The following VSTM2A variants were observed in gnomAD, a reference collection of about 807,000 sequenced individuals.
The protein encoded by VSTM2A is V-set and transmembrane domain containing 2A, also known as V-set and transmembrane domain-containing protein 2A.
A neutral mutation model predicts 27.3 loss-of-function variants in VSTM2A; 13 were observed. That is an observed-to-expected ratio of 0.48 (90% CI 0.31 to 0.76). The LOEUF (loss-of-function observed/expected upper bound fraction) is 0.76. Among genes scored for constraint, VSTM2A ranks in the 30% least tolerant of loss-of-function variants. The probability of loss-of-function intolerance (pLI) is 0.05; values close to 1 mark genes in which losing one functional copy is unlikely to be tolerated. For synonymous variants in VSTM2A, 142 were observed against 125.7 expected, an observed-to-expected ratio of 1.13 and a Z score of -0.87; for missense variants, 280 against 310.0, an observed-to-expected ratio of 0.90 and a Z score of 0.73.
At chr7:54,552,629 C>T (rs1788230444) in intron 4 of VSTM2A, 1 of 152,220 alleles carries the variant, frequency 6.6e-6, no homozygotes, top group Non-Finnish European at 1.5e-5. Context: ...CACACTTCTT[C>T]TCCTCAAGGA....
intron 4 of VSTM2A, among the ~76,000 whole-genome samples, chr7:54,561,314 CA>C (rs1788554894): frequency 1.3e-5 from 2 of 151,992 alleles, no homozygotes; most frequent in Non-Finnish European, 2.9e-5. Flanking sequence ...ATGTATAGTG[CA>C]AAACACTTCT....
chr7:54,553,927 T>C (rs766930937), intron 4 of VSTM2A: 238 of 1,551,384 alleles, frequency 1.5e-4, no homozygotes, highest in Admixed American at 2.5e-4. Context: ...GTCCTTCCTT[T>C]CTTCTCTCTG....
intron 4 of VSTM2A, chr7:54,559,549 A>G (rs1244660396): frequency 6.6e-6 from 1 of 152,204 alleles, no homozygotes; most frequent in Non-Finnish European, 1.5e-5. Flanking sequence ...GGCATGGTGA[A>G]TCAGTACTTC....
intron 4 of VSTM2A, 176 bp downstream of exon 4, chr7:54,550,346 A>C: frequency 6.9e-7 from 1 of 1,450,020 alleles, no homozygotes; most frequent in Non-Finnish European, 9.1e-7. Context: ...TCAGAGCTCA[A>C]AGCATGTGGG....
Position 54,542,795 on chromosome 7 carries a change from G to T in VSTM2A, c.65G>T (p.Gly22Val), listed in dbSNP as rs577456381. Residue 22 changes from glycine to valine, a missense_variant, in exon 1 of 5, where the codon GGG (glycine) becomes GTG (valine). Gly to Val is a moderately radical substitution (Grantham distance 109). Transcript: ENST00000402613. ...VFFSVLYVQQGLSSQAKFTEF... is the reference protein window; with the variant it reads ...VFFSVLYVQQVLSSQAKFTEF... ...TTTTCCGTTTTATATGTACAACAAG[G>T]GCTTTCTTCTCAAGGTAAGTCTTGC... 8.4e-5 allele frequency: 136 copies of T among 1,613,798 alleles called. No homozygotes were observed. The highest frequency in any genetic ancestry group is 1.1e-4 in the Non-Finnish European group (135 of 1,179,818).
chr7:54,564,492 A>C (rs1020265749), intron 4 of VSTM2A, among the ~76,000 whole-genome samples: 2 of 152,196 alleles, frequency 1.3e-5, no homozygotes. Context: ...TCCATCAGAA[A>C]ATATTCAAAG....
At chr7:54,565,618 A>C (rs1788696797) in intron 4 of VSTM2A, among the ~76,000 whole-genome samples, 1 of 152,214 alleles carries the variant, frequency 6.6e-6, no homozygotes, top group African/African-American at 2.4e-5. Context: ...GTGACGCGGA[A>C]GCAGGCCCTG....
chr7:54,567,210 G>T (rs1023137712), intron 4 of VSTM2A, among the ~76,000 whole-genome samples: 1 of 152,154 alleles, frequency 6.6e-6, no homozygotes, highest in African/African-American at 2.4e-5. Context: ...TGGCGAAAAT[G>T]AATTGTATTT....
chr7:54,547,794 C>A (rs1376922936), intron 3 of VSTM2A, among the ~76,000 whole-genome samples: 2 of 152,042 alleles, frequency 1.3e-5, no homozygotes, highest in South Asian at 2.1e-4. Flanking sequence ...ATCCCAATGA[C>A]CTACATTTTA....
intron 4 of VSTM2A, among the ~76,000 whole-genome samples, chr7:54,566,731 A>T (rs1466525686): frequency 1.3e-5 from 2 of 152,092 alleles, no homozygotes; most frequent in African/African-American, 2.4e-5. Flanking sequence ...TTTTGGAAAC[A>T]TGTGGAAATA....
chr7:54,560,037 T>C (rs1253685756), intron 4 of VSTM2A: 1 of 152,176 alleles, frequency 6.6e-6, no homozygotes, highest in Admixed American at 6.5e-5. Flanking sequence ...TGATAATGTA[T>C]TACTTTGTTA....
intron 4 of VSTM2A, among the ~76,000 whole-genome samples, chr7:54,563,880 G>T (rs1788639376): frequency 6.6e-6 from 1 of 152,170 alleles, no homozygotes; most frequent in Non-Finnish European, 1.5e-5. Flanking sequence ...GAAGAAATTG[G>T]CACCGGACAT....
At chr7:54,549,167 A>G (rs1368875720) in intron 3 of VSTM2A, among the ~76,000 whole-genome samples, 1 of 152,128 alleles carries the variant, frequency 6.6e-6, no homozygotes, top group African/African-American at 2.4e-5. Context: ...TGGCATCCCA[A>G]GTCCCTGTAG....
chr7:54,545,359 C>G (rs1426093074), intron 2 of VSTM2A, among the ~76,000 whole-genome samples: 2 of 138,622 alleles, frequency 1.4e-5, no homozygotes, highest in Admixed American at 7.3e-5. Context: ...AGGGGGAGAC[C>G]GGGAGAGGCA....
intron 4 of VSTM2A, chr7:54,559,317 T>C (rs1788475208): frequency 6.6e-6 from 1 of 152,088 alleles, no homozygotes; most frequent in Non-Finnish European, 1.5e-5. Context: ...TGAGAGAGTT[T>C]AGGTTTGAAT....
At chr7:54,561,330 A>G (rs2115901387) in intron 4 of VSTM2A, among the ~76,000 whole-genome samples, 1 of 152,294 alleles carries the variant, frequency 6.6e-6, no homozygotes, top group South Asian at 2.1e-4. Context: ...ACTTCTGAGG[A>G]TAATACCACT....
chr7:54,542,459 A>C lies in VSTM2A; in HGVS notation c.-272A>C. ...GCTGACGTTGGACGAGCTGCCAGGT[A>C]GCTGAAAGCAGGCAGCCAGGCAGCC... On this transcript the variant is annotated 5_prime_UTR_variant, in exon 1 of 5. Coordinates refer to ENST00000402613, the MANE Select transcript of VSTM2A (RefSeq NM_001301009.2). 1 of 473,848 alleles carries C rather than the reference A, an allele frequency of 2.1e-6. No individual in the cohort carries two copies. The highest frequency in any genetic ancestry group is 3.7e-6 in the Non-Finnish European group (1 of 270,110). The allele number at this position is 473,848 out of a possible 1,614,324, so 29.4% of individuals were successfully genotyped here.
intron 4 of VSTM2A, among the ~76,000 whole-genome samples, chr7:54,555,597 C>T (rs1788329612): frequency 1.3e-5 from 2 of 152,146 alleles, no homozygotes; most frequent in South Asian, 4.1e-4. Flanking sequence ...CTTTGAAGCC[C>T]TAACTGTGCC....
In VSTM2A at chr7:54,547,011, G is replaced by T; in HGVS notation, c.297+14G>T. 2 of 1,555,202 alleles carry T rather than the reference G, an allele frequency of 1.3e-6. No individual in the cohort carries two copies. The highest frequency in any genetic ancestry group is 8.7e-7 in the Non-Finnish European group (1 of 1,151,584). ...ACCAAGATCAGCGTGAGTGCGGGGC[G>T]CGCCAAGGGCCGCGGGCCCAGGCTC... On this transcript the variant is annotated intron_variant, in intron 3 of 4. Transcript: ENST00000402613.
Sources: allele counts gnomAD v4.1 joint callset (sites outside exome capture counted in the v4.1 genomes callset), GRCh38; gene constraint gnomAD v4.1.1; transcripts MANE v1.5; gene names NCBI Gene and HGNC (gene_info 2026-07-23, HGNC 2026-07-21).